The following ULK4 variants were observed in gnomAD, a reference collection of about 807,000 sequenced individuals.
ULK4 encodes unc-51 like kinase 4, also known as inactive serine/threonine-protein kinase ULK4.
Under a neutral mutation model 160.6 loss-of-function variants are expected in ULK4, and 133 were observed. The observed-to-expected ratio is 0.83, with a 90% confidence interval of 0.72 to 0.96. The LOEUF is 0.96. ULK4 is among the 40% of genes least tolerant of loss of function. The probability of loss-of-function intolerance (pLI) is 0.00; values close to 1 mark genes in which losing one functional copy is unlikely to be tolerated. For missense variants in ULK4, 1,580 were observed against 1,499.5 expected, an observed-to-expected ratio of 1.05 and a Z score of -0.89; for synonymous variants, 534 against 539.8, an observed-to-expected ratio of 0.99 and a Z score of 0.15.
intron 22 of ULK4, among the ~76,000 whole-genome samples, chr3:41,735,687 T>TGTATTATTATTATTA: frequency 6.9e-6 from 1 of 144,522 alleles, no homozygotes; most frequent in Admixed American, 7.0e-5. Flanking sequence ...CTAAGTCCAT[T>TGTATTATTATTATTA]TTATTATTAT....
intron 35 of ULK4, among the ~76,000 whole-genome samples, chr3:41,264,250 G>T (rs1176584952): frequency 1.3e-5 from 2 of 152,236 alleles, no homozygotes; most frequent in African/African-American, 4.8e-5. Flanking sequence ...CCAGTTAGGA[G>T]GGACTTTGGG....
At chr3:41,938,073 G>C in intron 3 of ULK4, 25 bp downstream of exon 3, 2 of 1,537,340 alleles carry the variant, frequency 1.3e-6, no homozygotes, top group African/African-American at 2.8e-5. Flanking sequence ...TATATTCATA[G>C]CACTTTTTAC....
intron 17 of ULK4, among the ~76,000 whole-genome samples, chr3:41,847,617 T>A (rs992183386): frequency 1.2e-4 from 19 of 152,238 alleles, no homozygotes; most frequent in Non-Finnish European, 2.9e-5. Flanking sequence ...GAATTCTATT[T>A]GATACCACTT....
At chr3:41,275,820 C>T (rs1341621280) in intron 35 of ULK4, among the ~76,000 whole-genome samples, 2 of 152,242 alleles carry the variant, frequency 1.3e-5, no homozygotes, top group Non-Finnish European at 2.9e-5. Context: ...CTGCCATTCC[C>T]TCCAACTAAG....
At chr3:41,314,688 T>C (rs2125723772) in intron 35 of ULK4, among the ~76,000 whole-genome samples, 1 of 152,366 alleles carries the variant, frequency 6.6e-6, no homozygotes, top group African/African-American at 2.4e-5. Flanking sequence ...TTAATTTAAC[T>C]GTAGTTAGAA....
At chr3:41,700,021 G>A (rs762811098) in intron 27 of ULK4, among the ~76,000 whole-genome samples, 34 of 152,170 alleles carry the variant, frequency 2.2e-4, no homozygotes, top group East Asian at 1.9e-3. Flanking sequence ...AACAAGTAAC[G>A]ACCCAGCAAG....
At chr3:41,803,676 C>T (rs1482613657) in intron 19 of ULK4, among the ~76,000 whole-genome samples, 2 of 152,142 alleles carry the variant, frequency 1.3e-5, no homozygotes, top group East Asian at 1.9e-4. Context: ...TGATGTTCCC[C>T]TTCCTGTGTC....
intron 21 of ULK4, among the ~76,000 whole-genome samples, chr3:41,759,782 G>GACACAT (rs2038925638): frequency 1.3e-5 from 2 of 152,046 alleles, no homozygotes; most frequent in African/African-American, 4.8e-5. Context: ...CATAGAACAA[G>GACACAT]GAAACAAACT....
At chr3:41,676,076 G>A (rs1359127789) in intron 29 of ULK4, among the ~76,000 whole-genome samples, 1 of 152,170 alleles carries the variant, frequency 6.6e-6, no homozygotes, top group Admixed American at 6.5e-5. Flanking sequence ...GAGAACCTGA[G>A]CAGAGAACCC....
chr3:41,825,081 C>T (rs145844483), intron 18 of ULK4, among the ~76,000 whole-genome samples: 38,193 of 151,990 alleles, frequency 0.25, 5,885 homozygotes, highest in African/African-American at 0.44. Context: ...CAGCAAACTC[C>T]AACAGACCTG....
At chr3:41,613,108 C>A (rs1206608909) in intron 31 of ULK4, among the ~76,000 whole-genome samples, 1 of 152,158 alleles carries the variant, frequency 6.6e-6, no homozygotes, top group Non-Finnish European at 1.5e-5. Flanking sequence ...TTGTTCTGAT[C>A]AAATCACTGC....
intron 22 of ULK4, among the ~76,000 whole-genome samples, chr3:41,729,324 G>A (rs1468824992): frequency 2.6e-5 from 4 of 152,176 alleles, no homozygotes; most frequent in South Asian, 2.1e-4. Context: ...GAAGAATCTC[G>A]CACTCCTCAC....
chr3:41,954,609 T>A lies in ULK4; in HGVS notation c.138+13A>T, dbSNP rs1285414872. 2 of 1,608,500 alleles carry A rather than the reference T, an allele frequency of 1.2e-6. No homozygotes were observed. Among genetic ancestry groups the A allele is most frequent in the Admixed American group, 3.4e-5 (2 of 58,800 alleles). On this transcript the variant is annotated intron_variant, in intron 2 of 36. Transcript: ENST00000301831. ...CTCTCTTTCCCCATGCCAATGGAAATACACTGACTTACCCAGTTGGTTATT... is the reference window on the plus strand; with the variant it reads ...CTCTCTTTCCCCATGCCAATGGAAAAACACTGACTTACCCAGTTGGTTATT...
At chr3:41,375,114 C>G (rs1439171693) in intron 35 of ULK4, among the ~76,000 whole-genome samples, 1 of 152,130 alleles carries the variant, frequency 6.6e-6, no homozygotes, top group Non-Finnish European at 1.5e-5. Context: ...CTACAAACCA[C>G]TGCTCGACGA....
chr3:41,726,772 G>A (rs375050051), intron 22 of ULK4, among the ~76,000 whole-genome samples: 71 of 152,106 alleles, frequency 4.7e-4, no homozygotes, highest in African/African-American at 1.7e-3. Context: ...CACCACGCCA[G>A]GCTAATTTTT....
At chr3:41,471,954 A>G (rs1286480407) in intron 32 of ULK4, among the ~76,000 whole-genome samples, 1 of 151,516 alleles carries the variant, frequency 6.6e-6, no homozygotes, top group Non-Finnish European at 1.5e-5. Flanking sequence ...AAACAAAATG[A>G]AGAATAAGCT....
chr3:41,294,329 A>AG, intron 35 of ULK4, among the ~76,000 whole-genome samples: 1 of 152,328 alleles, frequency 6.6e-6, no homozygotes, highest in Admixed American at 6.5e-5. Context: ...TCACCAGACA[A>AG]TGAACCTGCT....
At chr3:41,405,338 C>T (rs182559364) in intron 34 of ULK4, among the ~76,000 whole-genome samples, 28 of 152,146 alleles carry the variant, frequency 1.8e-4, no homozygotes, top group East Asian at 1.7e-3. Flanking sequence ...TATTATTTTA[C>T]GCTGTATATG....
chr3:41,511,994 G>A (rs190461614), intron 32 of ULK4, among the ~76,000 whole-genome samples: 77 of 152,086 alleles, frequency 5.1e-4, no homozygotes, highest in Middle Eastern at 6.8e-3. Context: ...TCAATAAATG[G>A]GATACACCAC....
Sources: allele counts gnomAD v4.1 joint callset (sites outside exome capture counted in the v4.1 genomes callset), GRCh38; gene constraint gnomAD v4.1.1; transcripts MANE v1.5; gene names NCBI Gene and HGNC (gene_info 2026-07-23, HGNC 2026-07-21).